Variants in ATG5 observed in about 807,000 individuals in gnomAD.
ATG5 encodes the protein autophagy protein 5.
In ATG5, 14 loss-of-function variants were observed where a neutral mutation model predicts 36.5. That is an observed-to-expected ratio of 0.38 (90% CI 0.25 to 0.60). The LOEUF (loss-of-function observed/expected upper bound fraction) is 0.60, where lower values mean the gene tolerates loss of function less well. ATG5 is among the 20% of genes least tolerant of loss of function. The probability of loss-of-function intolerance (pLI) is 0.60; values close to 1 mark genes in which losing one functional copy is unlikely to be tolerated. For missense variants in ATG5, 195 were observed against 326.7 expected, an observed-to-expected ratio of 0.60 and a Z score of 3.11; for synonymous variants, 95 against 101.5, an observed-to-expected ratio of 0.94 and a Z score of 0.38.
At chr6:106,299,569 T>C (rs892109938) in intron 3 of ATG5, among the ~76,000 whole-genome samples, 12 of 152,236 alleles carry the variant, frequency 7.9e-5, no homozygotes, top group African/African-American at 2.4e-5. Flanking sequence ...ACTTTGTTCT[T>C]TTTCTTCTTT....
chr6:106,198,100 C>T (rs941575448), intron 7 of ATG5, among the ~76,000 whole-genome samples: 1 of 149,556 alleles, frequency 6.7e-6, no homozygotes, highest in African/African-American at 2.5e-5. Context: ...AAAACAAACA[C>T]CCTTATAACA....
intron 6 of ATG5, among the ~76,000 whole-genome samples, chr6:106,235,344 G>A (rs1777855705): frequency 6.6e-6 from 1 of 152,176 alleles, no homozygotes; most frequent in East Asian, 1.9e-4. Flanking sequence ...TGCTCCAATT[G>A]TAATGATATC....
At chr6:106,315,725 A>G (rs953081196) in intron 2 of ATG5, among the ~76,000 whole-genome samples, 3 of 152,132 alleles carry the variant, frequency 2.0e-5, no homozygotes, top group Non-Finnish European at 4.4e-5. Context: ...ATTATTTTCA[A>G]TATCTCTTCC....
rs761286247 is a variant in ATG5 at position 106,316,101 on chromosome 6, A to G, written c.108T>C (p.Tyr36=). ...EITEREAEPY[Y]LLLPRVSYLT... is the part of the protein sequence containing the mutation. ...CATTTGCCACAATCAATGTACTTAC[A>G]TAGTATGGTTCTGCTTCCCTTTCAG... Residue 36 remains tyrosine (Y), a splice_region_variant and synonymous_variant, in exon 2 of 8, where the codon TAT becomes TAC. Coordinates refer to ENST00000369076, the MANE Select transcript of ATG5 (RefSeq NM_004849.4). The G allele has an allele frequency of 1.1e-5, 17 of 1,609,378 alleles. No individual in the cohort carries two copies. The highest frequency in any genetic ancestry group is 1.4e-5 in the Non-Finnish European group (17 of 1,177,062).
intron 5 of ATG5, among the ~76,000 whole-genome samples, chr6:106,267,901 A>G (rs903378715): frequency 6.6e-6 from 1 of 152,242 alleles, no homozygotes; most frequent in Non-Finnish European, 1.5e-5. Context: ...AAGAAAACAT[A>G]GGTAATACCA....
chr6:106,260,242 G>A (rs559095566), intron 5 of ATG5, among the ~76,000 whole-genome samples: 58 of 152,054 alleles, frequency 3.8e-4, no homozygotes, highest in Non-Finnish European at 6.8e-4. Context: ...ATGTACCCTA[G>A]AACTTAAAGT....
intron 4 of ATG5, among the ~76,000 whole-genome samples, chr6:106,292,658 T>C (rs1295340089): frequency 1.3e-5 from 2 of 152,186 alleles, no homozygotes; most frequent in Non-Finnish European, 2.9e-5. Flanking sequence ...TTAAATTTTA[T>C]TTTTTATAGA....
chr6:106,291,871 TTAA>T (rs2114628224), intron 4 of ATG5, among the ~76,000 whole-genome samples: 1 of 152,364 alleles, frequency 6.6e-6, no homozygotes, highest in East Asian at 1.9e-4. Flanking sequence ...ACTAACGTGT[TTAA>T]TAACATGGTA....
At chr6:106,227,524 A>T (rs749383645) in intron 6 of ATG5, among the ~76,000 whole-genome samples, 151 of 152,282 alleles carry the variant, frequency 9.9e-4, no homozygotes, top group Middle Eastern at 3.4e-3. Flanking sequence ...TGAGCCCAGG[A>T]GTTGGAGGCT....
At chr6:106,204,481 T>C (rs1776556280) in intron 6 of ATG5, among the ~76,000 whole-genome samples, 1 of 152,246 alleles carries the variant, frequency 6.6e-6, no homozygotes, top group African/African-American at 2.4e-5. Context: ...ATATGATTGA[T>C]ATCCTTTGAT....
At chr6:106,250,996 T>C (rs1408118346) in intron 5 of ATG5, among the ~76,000 whole-genome samples, 1 of 152,234 alleles carries the variant, frequency 6.6e-6, no homozygotes, top group Non-Finnish European at 1.5e-5. Flanking sequence ...TACGCAAGTC[T>C]CTCAGCAAGG....
At chr6:106,246,483 C>G (rs1778346372) in intron 6 of ATG5, among the ~76,000 whole-genome samples, 1 of 151,648 alleles carries the variant, frequency 6.6e-6, no homozygotes. Context: ...TAACACAACA[C>G]TAGGTATGGA....
chr6:106,193,506 A>G (rs1776052321), intron 7 of ATG5, among the ~76,000 whole-genome samples: 1 of 152,190 alleles, frequency 6.6e-6, no homozygotes, highest in Non-Finnish European at 1.5e-5. Flanking sequence ...AAAAAATCCC[A>G]TATGATCAGT....
chr6:106,280,700 G>C (rs1361133923), intron 4 of ATG5, among the ~76,000 whole-genome samples: 2 of 151,926 alleles, frequency 1.3e-5, no homozygotes, highest in Non-Finnish European at 2.9e-5. Context: ...TTTTTATATG[G>C]ATTATCTTAT....
chr6:106,315,956 G>A, intron 2 of ATG5, 145 bp downstream of exon 2: 4 of 619,892 alleles, frequency 6.5e-6, no homozygotes, highest in Non-Finnish European at 1.1e-5. Context: ...CCTTCTTTAT[G>A]CTTATCTGTG....
At chr6:106,216,795 T>C (rs542921836) in intron 6 of ATG5, among the ~76,000 whole-genome samples, 2 of 152,288 alleles carry the variant, frequency 1.3e-5, no homozygotes, top group East Asian at 3.9e-4. Flanking sequence ...AGAGGATCAC[T>C]TGAGCCAGGA....
chr6:106,199,546 G>T (rs1287740235), intron 7 of ATG5, among the ~76,000 whole-genome samples: 1 of 152,210 alleles, frequency 6.6e-6, no homozygotes, highest in Non-Finnish European at 1.5e-5. Flanking sequence ...GTTGTTTATA[G>T]CTGGCAGTGG....
At chr6:106,277,897 T>C (rs1188647207) in intron 5 of ATG5, among the ~76,000 whole-genome samples, 1 of 152,240 alleles carries the variant, frequency 6.6e-6, no homozygotes. Context: ...TTAGTACTTA[T>C]AATTTAACAC....
At chr6:106,311,331 A>G (rs1370445951) in intron 2 of ATG5, among the ~76,000 whole-genome samples, 1 of 152,238 alleles carries the variant, frequency 6.6e-6, no homozygotes, top group Non-Finnish European at 1.5e-5. Context: ...AAAGAATGTT[A>G]TAAGAGCAAG....
Sources: allele counts gnomAD v4.1 joint callset (sites outside exome capture counted in the v4.1 genomes callset), GRCh38; gene constraint gnomAD v4.1.1; transcripts MANE v1.5; gene names NCBI Gene and HGNC (gene_info 2026-07-23, HGNC 2026-07-21).